Variants in BAZ1A observed in about 807,000 individuals in gnomAD.
BAZ1A encodes bromodomain adjacent to zinc finger domain 1A, also known as bromodomain adjacent to zinc finger domain protein 1A.
A neutral mutation model predicts 185.2 loss-of-function variants in BAZ1A; 50 were observed. The observed-to-expected ratio is 0.27, with a 90% CI of 0.22 to 0.34. BAZ1A has a LOEUF of 0.34. Ranked by LOEUF, BAZ1A falls within the 10% of genes least tolerant of loss-of-function variation. The probability of loss-of-function intolerance (pLI) is 1.00; values close to 1 mark genes in which losing one functional copy is unlikely to be tolerated. For synonymous variants in BAZ1A, 571 were observed against 615.6 expected, an observed-to-expected ratio of 0.93 and a Z score of 1.07; for missense variants, 1,356 against 1,839.9, an observed-to-expected ratio of 0.74 and a Z score of 4.81.
In BAZ1A at chr14:34,807,462, T is replaced by A. The variant is rs926355351; in HGVS notation, c.715A>T (p.Ile239Phe). 9 of 1,605,150 alleles carry A rather than the reference T, an allele frequency of 5.6e-6. No homozygotes were observed. The highest frequency in any genetic ancestry group is 7.7e-6 in the Non-Finnish European group (9 of 1,173,982). Reference sequence around the variant, plus strand: ...CATTATTTGATTACCTTTATTTTAATGACTCCATCTTGTGGTTCACAGTGT... The same window carrying A: ...CATTATTTGATTACCTTTATTTTAAAGACTCCATCTTGTGGTTCACAGTGT... ...KQHCEPQDGV[I>F]KIKASSLSTY... The change falls in exon 6 of 27, where the codon ATT (isoleucine) becomes TTT (phenylalanine). Residue 239 changes from isoleucine (I) to phenylalanine (F), a missense_variant. By Grantham distance (21) the Ile-to-Phe change is conservative (BLOSUM62 0). Around this residue, in one of 7 missense-constraint regions of BAZ1A, gnomAD observed 332 missense variants for 395.3 expected, o/e 0.84. Coordinates refer to ENST00000360310, the MANE Select transcript of BAZ1A (RefSeq NM_013448.3).
intron 3 of BAZ1A, among the ~76,000 whole-genome samples, chr14:34,840,506 C>T (rs187339192): frequency 2.0e-5 from 3 of 152,104 alleles, no homozygotes; most frequent in Non-Finnish European, 4.4e-5. Context: ...CACCTGTTAT[C>T]CCAGCACTTT....
intron 16 of BAZ1A, among the ~76,000 whole-genome samples, chr14:34,780,653 A>G (rs1215212053): frequency 6.6e-6 from 1 of 152,308 alleles, no homozygotes; most frequent in Non-Finnish European, 1.5e-5. Context: ...AACATACACA[A>G]TGGCACAGAG....
chr14:34,873,609 T>C (rs2042987895), intron 2 of BAZ1A, among the ~76,000 whole-genome samples: 5 of 152,134 alleles, frequency 3.3e-5, no homozygotes, highest in Admixed American at 3.3e-4. Flanking sequence ...GAGTTGAACT[T>C]GTCTTAACCC....
intron 3 of BAZ1A, among the ~76,000 whole-genome samples, chr14:34,838,352 C>T (rs1229476516): frequency 6.6e-6 from 1 of 151,980 alleles, no homozygotes; most frequent in Non-Finnish European, 1.5e-5. Flanking sequence ...AAGTTACTGG[C>T]AATATAGATT....
chr14:34,818,923 C>T (rs1350812043), intron 4 of BAZ1A, among the ~76,000 whole-genome samples: 7 of 151,916 alleles, frequency 4.6e-5, no homozygotes, highest in African/African-American at 1.5e-4. Context: ...GGGCGGATCA[C>T]GAGGTCAGGA....
At chr14:34,775,791 G>A in intron 18 of BAZ1A, 128 bp downstream of exon 18, 1 of 703,454 alleles carries the variant, frequency 1.4e-6, no homozygotes. Context: ...CAAACTAAAA[G>A]GACAGCCTAA....
chr14:34,796,086 C>T (rs957603300), intron 9 of BAZ1A, among the ~76,000 whole-genome samples: 8 of 151,852 alleles, frequency 5.3e-5, no homozygotes, highest in South Asian at 4.2e-4. Flanking sequence ...GATTACTTGA[C>T]GTCAGAAGTT....
chr14:34,817,638 C>T (rs2042026982), intron 4 of BAZ1A, among the ~76,000 whole-genome samples: 1 of 152,092 alleles, frequency 6.6e-6, no homozygotes, highest in African/African-American at 2.4e-5. Flanking sequence ...CTCTGTAACT[C>T]AACAACAAAA....
chr14:34,843,809 T>C (rs2042455733), intron 3 of BAZ1A, among the ~76,000 whole-genome samples: 1 of 152,194 alleles, frequency 6.6e-6, no homozygotes, highest in Non-Finnish European at 1.5e-5. Context: ...TAGGCTCTGG[T>C]GGTTTTATCC....
At chr14:34,770,610 CAG>C (rs1879147692) in intron 21 of BAZ1A, among the ~76,000 whole-genome samples, 1 of 152,038 alleles carries the variant, frequency 6.6e-6, no homozygotes, top group African/African-American at 2.4e-5. Flanking sequence ...AAAAAAACAA[CAG>C]GGAATTAGAG....
intron 3 of BAZ1A, among the ~76,000 whole-genome samples, chr14:34,845,830 C>T (rs1040728931): frequency 7.2e-6 from 1 of 139,708 alleles, no homozygotes; most frequent in Non-Finnish European, 1.5e-5. Context: ...CACTGCACTA[C>T]AGCCTGGCGA....
At chr14:34,859,863 G>A (rs1222751405) in intron 3 of BAZ1A, among the ~76,000 whole-genome samples, 3 of 152,100 alleles carry the variant, frequency 2.0e-5, no homozygotes, top group Admixed American at 2.0e-4. Context: ...CCAGTCTTTG[G>A]AGGAGTTGAG....
intron 2 of BAZ1A, among the ~76,000 whole-genome samples, chr14:34,866,685 C>T (rs899628053): frequency 4.6e-5 from 7 of 151,824 alleles, no homozygotes; most frequent in African/African-American, 1.7e-4. Flanking sequence ...ATCGGGGTAA[C>T]TGGGATATCC....
chr14:34,830,768 CCTT>C lies in BAZ1A; in HGVS notation c.393-4615_393-4613del, dbSNP rs1239937585. ...ATATTTATGGTATATCTCTACAACT[CCTT>C]TTTTTTTTTTTTTTTTTGAGTCTCA... On this transcript the variant is annotated intron_variant, in intron 3 of 26. Coordinates refer to ENST00000360310, the MANE Select transcript of BAZ1A (RefSeq NM_013448.3). Among the ~76,000 whole-genome samples, 12 of 145,012 alleles carry C rather than the reference CCTT, an allele frequency of 8.3e-5. No homozygotes were observed. The East Asian group carries it at 2.4e-3, about 29-fold the overall frequency.
At chr14:34,755,182 T>C (rs867750378) in intron 25 of BAZ1A, among the ~76,000 whole-genome samples, 4 of 152,190 alleles carry the variant, frequency 2.6e-5, no homozygotes, top group South Asian at 2.1e-4. Context: ...ATGAGCATTA[T>C]TGCATTTGTA....
At chr14:34,802,117 G>A (rs1026860038) in intron 7 of BAZ1A, among the ~76,000 whole-genome samples, 1 of 152,078 alleles carries the variant, frequency 6.6e-6, no homozygotes, top group Non-Finnish European at 1.5e-5. Flanking sequence ...TATAAAAGAT[G>A]CAGAAAAAAG....
At position 34,852,121 on chromosome 14, in the gene BAZ1A, C is replaced by T. The variant is rs370770125; in HGVS notation, c.392+9923G>A. Among the ~76,000 whole-genome samples the T allele has an allele frequency of 2.9e-3, 425 of 147,634 alleles. 2 individuals are homozygous for T. Among genetic ancestry groups the T allele is most frequent in the African/African-American group, 0.01 (406 of 39,994 alleles). On this transcript the variant is annotated intron_variant, in intron 3 of 26. Transcript: ENST00000360310. ...CAGCCTGGGCGACAGAGCTAGACTCCGTCTCAAAGAAAAAAAAAAAGACCA... is the reference window on the plus strand; with the variant it reads ...CAGCCTGGGCGACAGAGCTAGACTCTGTCTCAAAGAAAAAAAAAAAGACCA...
intron 12 of BAZ1A, among the ~76,000 whole-genome samples, chr14:34,789,306 A>AG (rs1880693833): frequency 6.6e-6 from 1 of 152,246 alleles, no homozygotes; most frequent in Non-Finnish European, 1.5e-5. Flanking sequence ...GGCTATAAAA[A>AG]GGCCTTTAGG....
chr14:34,872,941 A>AAAACAAAAAAAAAAACAAC (rs1555346584), intron 2 of BAZ1A, among the ~76,000 whole-genome samples: 20 of 122,680 alleles, frequency 1.6e-4, no homozygotes, highest in Admixed American at 3.4e-4. Flanking sequence ...AAAAAAAAAA[A>AAAACAAAAAAAAAAACAAC]CTTGTCCAAT....
Sources: allele counts gnomAD v4.1 joint callset (sites outside exome capture counted in the v4.1 genomes callset), GRCh38; gene constraint gnomAD v4.1.1; regional missense constraint gnomAD v4.1.1; transcripts MANE v1.5; gene names NCBI Gene and HGNC (gene_info 2026-07-23, HGNC 2026-07-21).